PCDHA1: variants seen among roughly 807,000 people sequenced by gnomAD.
PCDHA1 encodes the protein protocadherin alpha-1.
Under a neutral mutation model 61.3 loss-of-function variants are expected in PCDHA1, and 42 were observed. That is an observed-to-expected ratio of 0.69 (90% confidence interval 0.54 to 0.89). The LOEUF (loss-of-function observed/expected upper bound fraction) is 0.89. PCDHA1 is among the 40% of genes least tolerant of loss of function. The probability of loss-of-function intolerance (pLI) is 0.00; values close to 1 mark genes in which losing one functional copy is unlikely to be tolerated. For synonymous variants in PCDHA1, 610 were observed against 553.8 expected (o/e 1.10, Z -1.43); for missense variants, 1,256 against 1,235.3 (o/e 1.02, Z -0.25).
chr5:140,856,303 G>C (rs1554148515), intron 1 of PCDHA1: 1 of 1,598,648 alleles, frequency 6.3e-7, no homozygotes, highest in Non-Finnish European at 8.6e-7. Flanking sequence ...TTTTGTTTGT[G>C]AATTCTCGGA....
rs150805116 is a variant in PCDHA1, at chr5:140,977,093, T to C, written c.2395-1856T>C. On this transcript the variant is annotated intron_variant, in intron 1 of 3. Coordinates refer to ENST00000504120, the MANE Select transcript of PCDHA1 (RefSeq NM_018900.4). ...GCAGCATGACAAATTAAATGTGTCA[T>C]TGGGGAAGTGAGATTGTATAATGAA... 6.6e-5 allele frequency among the ~76,000 whole-genome samples: 10 copies of C among 152,320 alleles called. No homozygotes were observed. The East Asian group carries it at 1.7e-3, about 26-fold the overall frequency.
intron 3 of PCDHA1, among the ~76,000 whole-genome samples, chr5:140,987,224 A>AT (rs34154612): frequency 0.031 from 4,713 of 152,034 alleles, 257 homozygotes; most frequent in African/African-American, 0.11. Context: ...AAAAAAAAAA[A>AT]AAATAATAAA....
chr5:140,788,312 G>A lies in PCDHA1; in HGVS notation c.2022G>A (p.Gln674=), dbSNP rs1309606433. The A allele has an allele frequency of 1.9e-6, 3 of 1,613,864 alleles. No individual in the cohort carries two copies. The East Asian group carries it at 6.7e-5, about 36-fold the overall frequency. Reference sequence around the variant, plus strand: ...TTGTATCTCTGGTGGAGAGCGGCCAGGCGCCAAAGGCGTCTTCGCGGGCGT... The same window carrying A: ...TTGTATCTCTGGTGGAGAGCGGCCAAGCGCCAAAGGCGTCTTCGCGGGCGT... The part of the protein sequence containing the change: ...TVLVSLVESG[Q]APKASSRASV... Residue 674 remains glutamine (Q), a synonymous_variant, in exon 1 of 4, where the codon CAG becomes CAA. Coordinates refer to ENST00000504120, the MANE Select transcript of PCDHA1 (RefSeq NM_018900.4).
chr5:140,988,871 A>T (rs1319139244), intron 3 of PCDHA1: 1 of 152,208 alleles, frequency 6.6e-6, no homozygotes, highest in Non-Finnish European at 1.5e-5. Context: ...GTGCACTCAG[A>T]TGTACGATCC....
rs2150452884 is a variant in PCDHA1, at chr5:140,849,840, A to G, written c.2394+61156A>G. 1.9e-6 allele frequency: 3 copies of G among 1,598,334 alleles called. No individual in the cohort carries two copies. The Admixed American group carries it at 5.1e-5, about 27-fold the overall frequency. On this transcript the variant is annotated intron_variant, in intron 1 of 3. Coordinates refer to ENST00000504120, the MANE Select transcript of PCDHA1 (RefSeq NM_018900.4). ...GGTGTCTGTGGAGGTGGCCGACGTG[A>G]ACGACAACGCACCAGCGTTCGCGCA...
In PCDHA1 at chr5:141,009,694, A is replaced by G. The variant is rs782798367; in HGVS notation, c.2610A>G (p.Lys870=). The part of the protein sequence containing the change: ...AGVNSNSWTF[K]YGPGNPKQSG... ...TCAACAGCAACAGCTGGACCTTTAA[A>G]TACGGACCAGGCAACCCCAAACAAT... is the stretch of plus-strand genomic sequence containing the variant. The change falls in exon 4 of 4, where the codon AAA becomes AAG. Residue 870 remains lysine (K), a synonymous_variant. Transcript: ENST00000504120. 5 of 1,613,890 alleles carry G rather than the reference A, an allele frequency of 3.1e-6. No homozygotes were observed. In the Admixed American group the frequency reaches 6.7e-5, roughly 22 times the overall value.
intron 1 of PCDHA1, among the ~76,000 whole-genome samples, chr5:140,947,571 GT>G (rs782708059): frequency 1.8e-4 from 28 of 151,588 alleles, no homozygotes; most frequent in Non-Finnish European, 3.1e-4. Context: ...TATTGGGAAT[GT>G]TTTTAACATT....
In PCDHA1 at chr5:140,883,501, C is replaced by A. The variant is rs570168326; in HGVS notation, c.2394+94817C>A. On this transcript the variant is annotated intron_variant, in intron 1 of 3. Transcript: ENST00000504120. ...ACTACTACTCATTAGTGCTGGACAGCGCCCTGGACCGCGAGAGCGTATCAG... is the reference window on the plus strand; with the variant it reads ...ACTACTACTCATTAGTGCTGGACAGAGCCCTGGACCGCGAGAGCGTATCAG... 3.7e-6 allele frequency: 6 copies of A among 1,614,194 alleles called. No homozygotes were observed. In the Admixed American group the frequency reaches 8.3e-5, roughly 22 times the overall value.
intron 1 of PCDHA1, chr5:140,822,069 G>C (rs2150113403): frequency 4.1e-5 from 66 of 1,614,116 alleles, no homozygotes; most frequent in Admixed American, 6.7e-5. Flanking sequence ...GCCGGCGGAG[G>C]GCGGAGTGCA....
At chr5:140,809,329 G>A (rs1764429896) in intron 1 of PCDHA1, 1 of 1,614,110 alleles carries the variant, frequency 6.2e-7, no homozygotes. Flanking sequence ...TGGTGCTCAC[G>A]CTGCTGCTGT....
intron 1 of PCDHA1, chr5:140,848,033 C>T (rs1781291079): frequency 6.3e-6 from 1 of 158,434 alleles, no homozygotes; most frequent in Non-Finnish European, 1.4e-5. Flanking sequence ...CGTGATTGCT[C>T]AATGGAATCA....
chr5:140,804,924 G>T, intron 1 of PCDHA1: 18 of 987,120 alleles, frequency 1.8e-5, no homozygotes, highest in South Asian at 9.7e-5. Flanking sequence ...TCCTTTTTTG[G>T]CACTATCCTT....
chr5:140,925,082 AAAGGAAGGAAGG>A (rs138596875), intron 1 of PCDHA1, among the ~76,000 whole-genome samples: 78 of 147,388 alleles, frequency 5.3e-4, no homozygotes, highest in African/African-American at 1.8e-3. Context: ...GCTCATCTGG[AAAGGAAGGAAGG>A]AAGGAAGGAA....
intron 1 of PCDHA1, chr5:140,803,172 T>C (rs782418479): frequency 3.0e-5 from 48 of 1,613,742 alleles, no homozygotes; most frequent in East Asian, 1.6e-4. Context: ...TGAACCCTCA[T>C]TGACCGCCAC....
intron 1 of PCDHA1, among the ~76,000 whole-genome samples, chr5:140,947,597 G>A (rs1231530518): frequency 1.3e-5 from 2 of 151,586 alleles, no homozygotes; most frequent in African/African-American, 4.8e-5. Context: ...TCAATTTAGG[G>A]AAGATTTGGT....
At chr5:140,862,614 C>A (rs939104961) in intron 1 of PCDHA1, 11 of 523,250 alleles carry the variant, frequency 2.1e-5, no homozygotes, top group Non-Finnish European at 3.9e-5. Flanking sequence ...TGAAAGGTAA[C>A]AACCCGCGGG....
In PCDHA1 at chr5:140,822,226, T is replaced by A. The variant is rs2150114732; in HGVS notation, c.2394+33542T>A. 1.2e-5 allele frequency: 19 copies of A among 1,614,276 alleles called. No homozygotes were observed. In the South Asian group the frequency reaches 2.1e-4, roughly 18 times the overall value. On this transcript the variant is annotated intron_variant, in intron 1 of 3. Coordinates refer to ENST00000504120, the MANE Select transcript of PCDHA1 (RefSeq NM_018900.4). The stretch of plus-strand genomic sequence containing the variant: ...AGAGTCAAGAATGCCAGATTCGCGG[T>A]TTCCGCTAGAGGGCGCGTCGGATTT...
chr5:140,823,595 C>T (rs2150127247), intron 1 of PCDHA1: 2 of 1,614,016 alleles, frequency 1.2e-6, no homozygotes, highest in Non-Finnish European at 1.7e-6. Context: ...GCTTGGCTTT[C>T]GTATGAGCTG....
rs2150329833 is a variant in PCDHA1, at chr5:140,842,126, C to A, written c.2394+53442C>A. The A allele has an allele frequency of 5.7e-5, 92 of 1,613,822 alleles. 1 individual carries two copies. The East Asian group carries it at 1.8e-3, about 32-fold the overall frequency. ...AGTTATCAAACTGAATGCTTCTGAT[C>A]CGGATGAAGGAGCCAATGGGGCAAT... On this transcript the variant is annotated intron_variant, in intron 1 of 3. Transcript: ENST00000504120.
Sources: gnomAD v4.1 joint callset for allele counts (sites outside exome capture counted in the v4.1 genomes callset) on GRCh38, gnomAD v4.1.1 for gene constraint, MANE v1.5 for transcripts, NCBI Gene and HGNC (gene_info 2026-07-23, HGNC 2026-07-21) for gene names.